Variants in SPATA7 observed in about 807,000 individuals in gnomAD.
The protein encoded by SPATA7 is spermatogenesis associated 7, also known as spermatogenesis-associated protein 7.
Under a neutral mutation model 51.8 loss-of-function variants are expected in SPATA7, and 43 were observed. The observed-to-expected ratio is 0.83, with a 90% CI of 0.65 to 1.07. The LOEUF is 1.07. Among genes scored for constraint, SPATA7 ranks in the 50% least tolerant of loss-of-function variants. The pLI is 0.00. For missense variants in SPATA7, 683 were observed against 701.3 expected, an observed-to-expected ratio of 0.97 and a Z score of 0.30; for synonymous variants, 230 against 252.8, an observed-to-expected ratio of 0.91 and a Z score of 0.86.
At position 88,431,372 on chromosome 14, in the gene SPATA7, T is replaced by C. The variant is rs114183985; in HGVS notation, c.1082+147T>C. ...ATGTACATATTCATGGAGTACCTAGTGATATTTTGATACATATACTGTACA... is the reference window on the plus strand; with the variant it reads ...ATGTACATATTCATGGAGTACCTAGCGATATTTTGATACATATACTGTACA... On this transcript the variant is annotated intron_variant, in intron 9 of 11. Coordinates refer to ENST00000393545, the MANE Select transcript of SPATA7 (RefSeq NM_018418.5). The C allele has an allele frequency of 7.0e-4, 537 of 764,990 alleles. 3 individuals carry two copies. The African/African-American group carries it at 7.6e-3, about 11-fold the overall frequency. 47.4% of individuals were successfully genotyped at this position (764,990 alleles called of 1,614,324 possible). A position where few individuals can be genotyped will look rare whatever the true frequency, so the allele number is the denominator to read the frequency against.
At chr14:88,441,188 T>TTGTGTG (rs534049280), downstream of SPATA7, among the ~76,000 whole-genome samples, 26 of 151,326 alleles carry the variant, frequency 1.7e-4, no homozygotes, top group African/African-American at 6.3e-4. Flanking sequence ...TAGTATTCAA[T>TTGTGTG]TGTGTGTGTG....
In SPATA7 at chr14:88,438,224, G is replaced by A. The variant is rs1328215892; in HGVS notation, c.1602G>A (p.Arg534=). The change falls in exon 12 of 12, where the codon CGG becomes CGA. Residue 534 remains arginine, a synonymous_variant. Transcript: ENST00000393545. The part of the protein sequence containing the change: ...HPSISDSLTD[R]ETSVNVIEGD... ...GTATTTCAGACAGTTTAACAGATCG[G>A]GAAACTTCTGTGAATGTCATTGAAG... The A allele has an allele frequency of 6.2e-7, 1 of 1,613,962 alleles. No individual in the cohort carries two copies. Among genetic ancestry groups the A allele is most frequent in the Non-Finnish European group, 8.5e-7 (1 of 1,179,970 alleles).
At chr14:88,468,022 C>T (rs1335641491) in intron 4 of SPATA7, 11 of 1,328,660 alleles carry the variant, frequency 8.3e-6, no homozygotes, top group Non-Finnish European at 9.6e-6. Flanking sequence ...CCACTTACGT[C>T]CCAGTGCCAC....
chr14:88,423,567 A>T (rs1595262187), intron 5 of SPATA7, among the ~76,000 whole-genome samples: 1 of 151,890 alleles, frequency 6.6e-6, no homozygotes, highest in Non-Finnish European at 1.5e-5. Flanking sequence ...AAAATCTGGG[A>T]AACTTTTTAA....
At chr14:88,437,714 T>G in intron 11 of SPATA7, 117 bp downstream of exon 11, 1 of 1,340,986 alleles carries the variant, frequency 7.5e-7, no homozygotes, top group South Asian at 1.3e-5. Flanking sequence ...CCCTTGAACT[T>G]TTTTGAGGGT....
intron 4 of SPATA7, among the ~76,000 whole-genome samples, chr14:88,462,446 T>C (rs1306534402): frequency 6.6e-6 from 1 of 152,250 alleles, no homozygotes; most frequent in East Asian, 1.9e-4. Context: ...AATGGACATC[T>C]GTTTTTAAGA....
intron 4 of SPATA7, 100 bp downstream of exon 4, chr14:88,396,303 C>A: frequency 1.2e-6 from 1 of 805,408 alleles, no homozygotes. Flanking sequence ...GTGTCCAGTT[C>A]AATATTAAGT....
chr14:88,419,565 T>G (rs1405497763), intron 5 of SPATA7, among the ~76,000 whole-genome samples: 1 of 151,568 alleles, frequency 6.6e-6, no homozygotes, highest in Non-Finnish European at 1.5e-5. Context: ...CTCGCTTTTT[T>G]ACCCAGGCCA....
At chr14:88,407,089 G>T (rs1440672804) in intron 4 of SPATA7, among the ~76,000 whole-genome samples, 1 of 152,152 alleles carries the variant, frequency 6.6e-6, no homozygotes, top group African/African-American at 2.4e-5. Context: ...GTGTGCATGT[G>T]TCTTTATAGT....
chr14:88,468,088 TA>T, intron 4 of SPATA7: 1 of 1,599,682 alleles, frequency 6.3e-7, no homozygotes, highest in Non-Finnish European at 8.5e-7. Flanking sequence ...GCTTTTTTTT[TA>T]AGCTGTAAAC....
At chr14:88,387,090 G>T (rs896803033) in intron 1 of SPATA7, among the ~76,000 whole-genome samples, 4 of 152,142 alleles carry the variant, frequency 2.6e-5, no homozygotes, top group Non-Finnish European at 4.4e-5. Context: ...AGAAACTAAA[G>T]CAAAAGATCA....
At chr14:88,465,614 T>C (rs2077353042) in intron 4 of SPATA7, among the ~76,000 whole-genome samples, 1 of 152,196 alleles carries the variant, frequency 6.6e-6, no homozygotes, top group African/African-American at 2.4e-5. Context: ...AACTCTACGT[T>C]TTGTGGAAGT....
chr14:88,457,082 A>G (rs1433838714), downstream of SPATA7, among the ~76,000 whole-genome samples: 6 of 152,076 alleles, frequency 3.9e-5, no homozygotes, highest in African/African-American at 7.2e-5. Context: ...CCATTGGTCT[A>G]TATCTCTGTT....
At chr14:88,392,074 C>T (rs979346254) in intron 2 of SPATA7, among the ~76,000 whole-genome samples, 1 of 152,030 alleles carries the variant, frequency 6.6e-6, no homozygotes, top group African/African-American at 2.4e-5. Flanking sequence ...GTGGAAGGAT[C>T]TCATTTTCAG....
chr14:88,406,450 A>G (rs893447008), intron 4 of SPATA7, among the ~76,000 whole-genome samples: 1 of 140,632 alleles, frequency 7.1e-6, no homozygotes, highest in African/African-American at 2.8e-5. Flanking sequence ...TTTTTTTTTT[A>G]GCATTCTATT....
At chr14:88,385,900 C>T (rs1240578205) in intron 1 of SPATA7, 63 bp downstream of exon 1, 32 of 1,559,370 alleles carry the variant, frequency 2.1e-5, no homozygotes, top group Non-Finnish European at 2.7e-5. Context: ...CGCTCCCAGC[C>T]TCGGGTCCGG....
chr14:88,393,360 T>A, intron 2 of SPATA7, 33 bp from the exon 3 acceptor site: 2 of 1,370,904 alleles, frequency 1.5e-6, no homozygotes, highest in Non-Finnish European at 2.0e-6. Flanking sequence ...TATATTAGTT[T>A]TAAATATATA....
At chr14:88,398,485 G>C (rs1455377541) in intron 4 of SPATA7, among the ~76,000 whole-genome samples, 1 of 116,958 alleles carries the variant, frequency 8.6e-6, no homozygotes, top group African/African-American at 3.2e-5. Flanking sequence ...GTTGTGGGGT[G>C]GGGGGAGGGG....
At chr14:88,441,578 T>C (rs1356191249), downstream of SPATA7, among the ~76,000 whole-genome samples, 1 of 152,242 alleles carries the variant, frequency 6.6e-6, no homozygotes, top group Admixed American at 6.5e-5. Flanking sequence ...GTGGTTTTGA[T>C]TTGCAGTTCC....
Sources: gnomAD v4.1 joint callset for allele counts (sites outside exome capture counted in the v4.1 genomes callset) on GRCh38, gnomAD v4.1.1 for gene constraint, MANE v1.5 for transcripts, NCBI Gene and HGNC (gene_info 2026-07-23, HGNC 2026-07-21) for gene names.